The following SP140 variants were observed in gnomAD, a reference collection of about 807,000 sequenced individuals.
SP140 encodes SP140 nuclear body protein.
Under a neutral mutation model 125.0 loss-of-function variants are expected in SP140, and 81 were observed. The observed-to-expected ratio is 0.65, with a 90% CI of 0.54 to 0.78. The LOEUF (loss-of-function observed/expected upper bound fraction) is 0.78, where lower values mean the gene tolerates loss of function less well. SP140 is among the 30% of genes least tolerant of loss of function. SP140 has a pLI of 0.00. For synonymous variants in SP140, 312 were observed against 354.0 expected (o/e 0.88, Z 1.33); for missense variants, 858 against 1,037.0 (o/e 0.83, Z 2.37).
the SP140 span, among the ~76,000 whole-genome samples, chr2:230,190,101 T>C: frequency 6.6e-6 from 1 of 152,254 alleles, no homozygotes; most frequent in African/African-American, 2.4e-5. Flanking sequence ...ATGGTATTTC[T>C]GGTTCTACAT....
chr2:230,208,688 C>G (rs1012806839), intron 1 of SP140, among the ~76,000 whole-genome samples: 1 of 152,164 alleles, frequency 6.6e-6, no homozygotes, highest in Non-Finnish European at 1.5e-5. Flanking sequence ...GTAGCATTGT[C>G]ACACAGTAAG....
chr2:230,279,149 T>C (rs1559317731), intron 15 of SP140, among the ~76,000 whole-genome samples: 1 of 151,938 alleles, frequency 6.6e-6, no homozygotes, highest in Non-Finnish European at 1.5e-5. Context: ...AACTATGACA[T>C]TGATGAAAGA....
At chr2:230,284,455 G>C in intron 16 of SP140, 44 bp downstream of exon 16, 7 of 1,530,668 alleles carry the variant, frequency 4.6e-6, no homozygotes, top group Non-Finnish European at 6.3e-6. Context: ...GAGTTTATTA[G>C]GGCACTGTCC....
chr2:230,283,720 T>A (rs550598517), intron 15 of SP140, among the ~76,000 whole-genome samples: 9 of 152,052 alleles, frequency 5.9e-5, no homozygotes, highest in Non-Finnish European at 1.2e-4. Flanking sequence ...ACTTTTCTGA[T>A]AAAGGGCACG....
At chr2:230,189,557 T>C in the SP140 span, among the ~76,000 whole-genome samples, 2 of 152,222 alleles carry the variant, frequency 1.3e-5, no homozygotes, top group African/African-American at 2.4e-5. Context: ...ATACTTAATA[T>C]AATTTCAATT....
chr2:230,308,348 A>G (rs935321484), intron 22 of SP140, among the ~76,000 whole-genome samples: 6 of 152,122 alleles, frequency 3.9e-5, no homozygotes, highest in Middle Eastern at 3.4e-3. Flanking sequence ...AAAATTATCC[A>G]TGTAACCAAA....
the SP140 span, among the ~76,000 whole-genome samples, chr2:230,186,455 A>G: frequency 6.6e-6 from 1 of 152,204 alleles, no homozygotes; most frequent in Admixed American, 6.5e-5. Context: ...CTGCTGAATG[A>G]ATGTTTAATA....
upstream of SP140, among the ~76,000 whole-genome samples, chr2:230,223,673 C>A (rs980780752): frequency 2.6e-5 from 4 of 152,162 alleles, no homozygotes; most frequent in Middle Eastern, 3.2e-3. Flanking sequence ...CAGTGAACAT[C>A]CCCATTAGCG....
intron 10 of SP140, among the ~76,000 whole-genome samples, chr2:230,251,394 T>A (rs1368312098): frequency 6.6e-6 from 1 of 152,156 alleles, no homozygotes; most frequent in Non-Finnish European, 1.5e-5. Flanking sequence ...AATATTTTAC[T>A]GAATAAGATC....
intron 23 of SP140, 154 bp downstream of exon 23, chr2:230,310,193 G>A: frequency 1.5e-6 from 1 of 676,832 alleles, no homozygotes; most frequent in Non-Finnish European, 2.5e-6. Context: ...AGAGCAGTGG[G>A]AGACGCTGGC....
At chr2:230,274,040 G>A (rs959935018) in intron 15 of SP140, among the ~76,000 whole-genome samples, 1 of 151,686 alleles carries the variant, frequency 6.6e-6, no homozygotes, top group African/African-American at 2.4e-5. Flanking sequence ...GAAATAATCT[G>A]TATAACAAAC....
At chr2:230,199,825 T>A (rs2043051614), upstream of SP140, among the ~76,000 whole-genome samples, 1 of 152,216 alleles carries the variant, frequency 6.6e-6, no homozygotes, top group Non-Finnish European at 1.5e-5. Flanking sequence ...TGGGCAATAG[T>A]GAATTGACAA....
At chr2:230,306,987 G>T (rs2058823864) in intron 22 of SP140, among the ~76,000 whole-genome samples, 1 of 152,218 alleles carries the variant, frequency 6.6e-6, no homozygotes, top group Admixed American at 6.5e-5. Flanking sequence ...CCTGCTCATG[G>T]TAACCCATGG....
At position 230,296,809 on chromosome 2, in the gene SP140, G is replaced by A. The variant is rs528575827; in HGVS notation, c.2017-612G>A. Among the ~76,000 whole-genome samples the A allele has an allele frequency of 8.5e-5, 13 of 152,306 alleles. No individual in the cohort carries two copies. In the South Asian group the frequency reaches 1.0e-3, roughly 12 times the overall value. On this transcript the variant is annotated intron_variant, in intron 21 of 26. Coordinates refer to ENST00000392045, the MANE Select transcript of SP140 (RefSeq NM_007237.5). Reference sequence around the variant, plus strand: ...GAAATATGCCTGAGGGCCCCTTGAAGTAAGAGGACAAGTAGAGCTTCTCTG... The same window carrying A: ...GAAATATGCCTGAGGGCCCCTTGAAATAAGAGGACAAGTAGAGCTTCTCTG...
upstream of SP140, chr2:230,202,984 G>C (rs2043329851): frequency 1.9e-6 from 1 of 518,132 alleles, no homozygotes; most frequent in African/African-American, 1.9e-5. Context: ...ATAAAGCTGG[G>C]GAAATCCTAG....
chr2:230,236,472 A>G (rs1044396476), intron 1 of SP140, among the ~76,000 whole-genome samples: 3 of 152,222 alleles, frequency 2.0e-5, no homozygotes, highest in African/African-American at 7.2e-5. Context: ...GGCTCTTGCA[A>G]TTATGAAGGC....
At position 230,211,390 on chromosome 2, in the gene SP140, T is replaced by A; in HGVS notation, c.-322-2264T>A. ...TGAGAGGCAGGAGGAGAGCCCCCTCTCTAGAAGATCCGAATGGCTTTTCCT... is the reference window on the plus strand; with the variant it reads ...TGAGAGGCAGGAGGAGAGCCCCCTCACTAGAAGATCCGAATGGCTTTTCCT... On this transcript the variant is annotated intron_variant, in intron 1 of 4. Transcript: ENST00000456542. The surrounding 1 kb of genome is among the most constrained non-coding windows in gnomAD (Gnocchi z 4.2). 2 of 909,860 alleles carry A rather than the reference T, an allele frequency of 2.2e-6. No homozygotes were observed. The highest frequency in any genetic ancestry group is 4.8e-5 in the East Asian group (2 of 41,702). 56.4% of individuals were successfully genotyped at this position (909,860 alleles called of 1,614,324 possible).
At chr2:230,196,349 C>A in the SP140 span, among the ~76,000 whole-genome samples, 3 of 151,840 alleles carry the variant, frequency 2.0e-5, no homozygotes, top group East Asian at 1.9e-4. Context: ...TCATACGTAA[C>A]GTGCCATGCA....
At chr2:230,266,834 G>A (rs1225166770) in intron 12 of SP140, among the ~76,000 whole-genome samples, 1 of 152,120 alleles carries the variant, frequency 6.6e-6, no homozygotes, top group East Asian at 1.9e-4. Flanking sequence ...CTCACACTTT[G>A]AATCTCTGAC....
Sources: gnomAD v4.1 joint callset for allele counts (sites outside exome capture counted in the v4.1 genomes callset) on GRCh38, gnomAD v4.1.1 for gene constraint, Gnocchi (gnomAD v3.1) non-coding constraint, MANE v1.5 for transcripts, NCBI Gene and HGNC (gene_info 2026-07-23, HGNC 2026-07-21) for gene names.